The following NDUFAF6 variants were observed in gnomAD, a reference collection of about 807,000 sequenced individuals.
NDUFAF6 encodes NADH:ubiquinone oxidoreductase complex assembly factor 6, also known as NADH dehydrogenase (ubiquinone) complex I, assembly factor 6.
A neutral mutation model predicts 40.8 loss-of-function variants in NDUFAF6; 45 were observed. The observed-to-expected ratio is 1.10, with a 90% confidence interval of 0.87 to 1.42. NDUFAF6 has a LOEUF of 1.42. NDUFAF6 is among the 40% of genes most tolerant of loss of function. NDUFAF6 has a pLI of 0.00. For missense variants in NDUFAF6, 435 were observed against 418.5 expected, an observed-to-expected ratio of 1.04 and a Z score of -0.34; for synonymous variants, 185 against 155.9, an observed-to-expected ratio of 1.19 and a Z score of -1.39.
At chr8:94,960,363 G>A (rs1352626861) in intron 1 of NDUFAF6, among the ~76,000 whole-genome samples, 1 of 152,172 alleles carries the variant, frequency 6.6e-6, no homozygotes, top group Non-Finnish European at 1.5e-5. Flanking sequence ...TTCCAAACCC[G>A]TAAAGGTTAT....
intron 2 of NDUFAF6, among the ~76,000 whole-genome samples, chr8:95,102,207 G>T (rs184950268): frequency 4.9e-4 from 75 of 152,224 alleles, no homozygotes; most frequent in African/African-American, 1.7e-3. Flanking sequence ...TGTTGGCCAG[G>T]CTGGTCTTGA....
chr8:94,948,710 G>A (rs1822242300), intron 2 of NDUFAF6, among the ~76,000 whole-genome samples: 1 of 152,168 alleles, frequency 6.6e-6, no homozygotes, highest in Admixed American at 6.5e-5. Flanking sequence ...CCCCGACGCC[G>A]AGTCCCGAAG....
At chr8:94,943,521 G>A (rs1821739587) in intron 1 of NDUFAF6, among the ~76,000 whole-genome samples, 1 of 152,118 alleles carries the variant, frequency 6.6e-6, no homozygotes, top group Non-Finnish European at 1.5e-5. Flanking sequence ...AGATCATCCA[G>A]GGCTGAAGAA....
chr8:94,918,759 C>T (rs1027749807), intron 1 of NDUFAF6, among the ~76,000 whole-genome samples: 4 of 152,230 alleles, frequency 2.6e-5, no homozygotes, highest in African/African-American at 9.6e-5. Flanking sequence ...CTCTTCAATT[C>T]TGTGTTCACA....
intron 1 of NDUFAF6, among the ~76,000 whole-genome samples, chr8:94,918,314 C>T: frequency 6.6e-6 from 1 of 152,104 alleles, no homozygotes; most frequent in East Asian, 1.9e-4. Context: ...GCCTGCACTT[C>T]CCAGGGTTTC....
chr8:94,931,133 T>A (rs2131313102), intron 1 of NDUFAF6, among the ~76,000 whole-genome samples: 1 of 152,354 alleles, frequency 6.6e-6, no homozygotes, highest in East Asian at 1.9e-4. Context: ...AAGGAAAATA[T>A]TTTAATTCCC....
Position 95,025,066 on chromosome 8 carries a change from C to G in NDUFAF6, c.58C>G (p.Leu20Val). The G allele has an allele frequency of 2.1e-6, 3 of 1,435,674 alleles. No homozygotes were observed. The highest frequency in any genetic ancestry group is 2.7e-6 in the Non-Finnish European group (3 of 1,105,704). 88.9% of individuals were successfully genotyped at this position (1,435,674 alleles called of 1,614,324 possible). The change falls in exon 1 of 9, where the codon CTG becomes GTG. Residue 20 changes from leucine (L) to valine (V), a missense_variant. Physicochemically the swap from Leu to Val is conservative, Grantham distance 32 (BLOSUM62 1). Coordinates refer to ENST00000396124, the MANE Select transcript of NDUFAF6 (RefSeq NM_152416.4). ...WGPLRLGIPGLCCRRPPLGLY... is the reference protein window; with the variant it reads ...WGPLRLGIPGVCCRRPPLGLY... ...GCCGTTGCGGCTTGGCATCCCCGGCCTGTGCTGCCGCCGGCCGCCTCTGGG... is the reference window on the plus strand; with the variant it reads ...GCCGTTGCGGCTTGGCATCCCCGGCGTGTGCTGCCGCCGGCCGCCTCTGGG...
At chr8:95,023,138 A>G (rs911794895), upstream of NDUFAF6, 1 of 152,206 alleles carries the variant, frequency 6.6e-6, no homozygotes, top group African/African-American at 2.4e-5. Flanking sequence ...TTTCATATGT[A>G]GTATATTGAA....
At chr8:95,075,089 C>T (rs940027859) in intron 9 of NDUFAF6, among the ~76,000 whole-genome samples, 6 of 152,120 alleles carry the variant, frequency 3.9e-5, no homozygotes, top group Admixed American at 3.3e-4. Context: ...GGACAGCTGA[C>T]AAGCAGAACC....
chr8:95,038,052 T>C (rs1344780847), intron 3 of NDUFAF6, among the ~76,000 whole-genome samples: 2 of 152,170 alleles, frequency 1.3e-5, no homozygotes, highest in East Asian at 3.9e-4. Flanking sequence ...CCTGGCTAAT[T>C]AAAAAATTTT....
At chr8:94,991,127 C>T (rs577425214) in intron 2 of NDUFAF6, among the ~76,000 whole-genome samples, 1 of 152,302 alleles carries the variant, frequency 6.6e-6, no homozygotes, top group East Asian at 1.9e-4. Context: ...TCTTTCCATC[C>T]CCTCCTCCAC....
chr8:95,019,905 AT>A (rs1433083413), intron 2 of NDUFAF6, among the ~76,000 whole-genome samples: 1 of 152,216 alleles, frequency 6.6e-6, no homozygotes, highest in Non-Finnish European at 1.5e-5. Context: ...TTTTAAAAAA[AT>A]GGTAATTGAG....
chr8:95,084,503 G>GT (rs1328961702), intron 2 of NDUFAF6, among the ~76,000 whole-genome samples: 2 of 152,218 alleles, frequency 1.3e-5, no homozygotes, highest in East Asian at 3.9e-4. Flanking sequence ...TCTTCATATT[G>GT]TTTTTTGCAT....
At chr8:95,091,668 CAG>C (rs1423820899) in intron 2 of NDUFAF6, among the ~76,000 whole-genome samples, 6 of 151,756 alleles carry the variant, frequency 4.0e-5, no homozygotes, top group Non-Finnish European at 8.8e-5. Context: ...TCTTTTGAGA[CAG>C]AGTCCTGCAC....
At chr8:94,961,899 T>C (rs1331029849) in intron 1 of NDUFAF6, among the ~76,000 whole-genome samples, 1 of 152,204 alleles carries the variant, frequency 6.6e-6, no homozygotes, top group African/African-American at 2.4e-5. Flanking sequence ...CAAAATCCCC[T>C]GGAGGGCTTG....
intron 4 of NDUFAF6, among the ~76,000 whole-genome samples, chr8:95,114,808 T>C (rs1810093643): frequency 6.6e-6 from 1 of 152,208 alleles, no homozygotes; most frequent in Non-Finnish European, 1.5e-5. Flanking sequence ...ATTTGTGAAA[T>C]GGACTTTGAT....
intron 2 of NDUFAF6, among the ~76,000 whole-genome samples, chr8:95,088,728 T>TGTGTG (rs775391766): frequency 7.9e-3 from 429 of 54,164 alleles, no homozygotes; most frequent in African/African-American, 0.027. Context: ...TGTGTGTGTG[T>TGTGTG]TTTCTTTTTG....
At chr8:95,102,735 C>T (rs1359857112) in intron 2 of NDUFAF6, among the ~76,000 whole-genome samples, 1 of 152,166 alleles carries the variant, frequency 6.6e-6, no homozygotes, top group Non-Finnish European at 1.5e-5. Flanking sequence ...AAGAGCTGGA[C>T]ACTGGAGAAG....
At chr8:94,940,868 T>G (rs777199067) in intron 1 of NDUFAF6, 2 of 1,613,742 alleles carry the variant, frequency 1.2e-6, no homozygotes, top group South Asian at 2.2e-5. Flanking sequence ...ATCTTCTTTC[T>G]CATTGAATTC....
Sources: allele counts gnomAD v4.1 joint callset (sites outside exome capture counted in the v4.1 genomes callset), GRCh38; gene constraint gnomAD v4.1.1; transcripts MANE v1.5; gene names NCBI Gene and HGNC (gene_info 2026-07-23, HGNC 2026-07-21).